The following EYS variants were observed in gnomAD, a reference collection of about 807,000 sequenced individuals.
The protein encoded by EYS is EGF-like photoreceptor maintenance factor, also known as protein eyes shut homolog.
A neutral mutation model predicts 282.1 loss-of-function variants in EYS; 250 were observed. The observed-to-expected ratio is 0.89, with a 90% confidence interval of 0.80 to 0.98. The LOEUF (loss-of-function observed/expected upper bound fraction) is 0.98, where lower values mean the gene tolerates loss of function less well. Among genes scored for constraint, EYS ranks in the 50% least tolerant of loss-of-function variants. EYS has a pLI of 0.00. For missense variants in EYS, 4,016 were observed against 3,709.0 expected, an observed-to-expected ratio of 1.08 and a Z score of -2.15; for synonymous variants, 1,355 against 1,282.9, an observed-to-expected ratio of 1.06 and a Z score of -1.20.
At chr6:63,726,273 G>T (rs983317560) in intron 42 of EYS, among the ~76,000 whole-genome samples, 1 of 152,046 alleles carries the variant, frequency 6.6e-6, no homozygotes, top group Admixed American at 6.6e-5. Flanking sequence ...TTTTTTGATG[G>T]TATTGTTTTT....
At chr6:64,803,689 T>C (rs1324477476) in intron 22 of EYS, among the ~76,000 whole-genome samples, 2 of 152,178 alleles carry the variant, frequency 1.3e-5, no homozygotes, top group East Asian at 3.9e-4. Flanking sequence ...TTGGCCTCCC[T>C]CTTGTGTTTG....
chr6:65,183,399 C>A (rs1476341501), intron 12 of EYS, among the ~76,000 whole-genome samples: 1 of 151,760 alleles, frequency 6.6e-6, no homozygotes, highest in East Asian at 2.0e-4. Context: ...GTATATATTC[C>A]TATTTATAAT....
intron 12 of EYS, among the ~76,000 whole-genome samples, chr6:65,183,613 A>G (rs2150235084): frequency 6.6e-6 from 1 of 151,872 alleles, no homozygotes; most frequent in Non-Finnish European, 1.5e-5. Flanking sequence ...GTTATGATAT[A>G]TTTCTTGTTT....
At chr6:65,130,595 A>C (rs1775841540) in intron 12 of EYS, among the ~76,000 whole-genome samples, 1 of 151,880 alleles carries the variant, frequency 6.6e-6, no homozygotes, top group Non-Finnish European at 1.5e-5. Flanking sequence ...GTGGGAGCTA[A>C]ATAATGAGAA....
At chr6:64,331,524 G>T (rs1163191839) in intron 29 of EYS, among the ~76,000 whole-genome samples, 1 of 152,100 alleles carries the variant, frequency 6.6e-6, no homozygotes. Context: ...AGGCATTTGA[G>T]CAGGACAGTG....
rs1766442316 is a variant in EYS, at chr6:64,866,934, T to C, written c.2992+19763A>G. On this transcript the variant is annotated intron_variant, in intron 19 of 42. Transcript: ENST00000503581. ...TCATCATTAGTTAAAAGTTACACAA[T>C]TGATCTATCACCTTCATATTCCAAA... Among the ~76,000 whole-genome samples the C allele has an allele frequency of 2.0e-5, 3 of 151,782 alleles. No individual in the cohort carries two copies. The South Asian group carries it at 6.2e-4, about 31-fold the overall frequency.
chr6:64,251,673 T>C (rs1267477304), intron 30 of EYS, among the ~76,000 whole-genome samples: 1 of 152,140 alleles, frequency 6.6e-6, no homozygotes, highest in Non-Finnish European at 1.5e-5. Context: ...TATGACCATG[T>C]TTTGCTGAAA....
chr6:65,281,046 A>AG (rs1363604988), intron 12 of EYS, among the ~76,000 whole-genome samples: 1 of 148,424 alleles, frequency 6.7e-6, no homozygotes, highest in Admixed American at 6.7e-5. Flanking sequence ...AAAAAAAAAA[A>AG]AAAAAGAAAA....
chr6:63,767,722 T>C (rs1449111340), intron 40 of EYS, among the ~76,000 whole-genome samples: 2 of 151,516 alleles, frequency 1.3e-5, no homozygotes, highest in Middle Eastern at 3.2e-3. Context: ...AGAATTAAAA[T>C]ATTCTAAAAT....
intron 12 of EYS, among the ~76,000 whole-genome samples, chr6:65,176,462 G>A (rs997056533): frequency 6.6e-6 from 1 of 151,000 alleles, no homozygotes; most frequent in South Asian, 2.1e-4. Flanking sequence ...ACAAAACTTA[G>A]GTTATAATTT....
intron 37 of EYS, among the ~76,000 whole-genome samples, chr6:63,798,364 T>C (rs977094673): frequency 6.6e-6 from 1 of 152,236 alleles, no homozygotes; most frequent in Non-Finnish European, 1.5e-5. Flanking sequence ...GGATATTTGA[T>C]TCCATGAAAA....
In EYS at chr6:64,324,787, T is replaced by C. The variant is rs551049961; in HGVS notation, c.6079-17705A>G. Among the ~76,000 whole-genome samples the C allele has an allele frequency of 7.9e-5, 12 of 152,284 alleles. No individual in the cohort carries two copies. The East Asian group carries it at 1.7e-3, about 22-fold the overall frequency. On this transcript the variant is annotated intron_variant, in intron 29 of 42. Transcript: ENST00000503581. ...GCAAGATTTCAGGATACAAAATCAA[T>C]GTATAAAAATCGGTATATTTCTATG...
At chr6:65,053,614 C>A (rs1773336245) in intron 13 of EYS, among the ~76,000 whole-genome samples, 1 of 151,794 alleles carries the variant, frequency 6.6e-6, no homozygotes, top group African/African-American at 2.4e-5. Flanking sequence ...TGATCATTTT[C>A]TACACCAGGG....
chr6:64,181,497 A>G (rs886515110), intron 31 of EYS, among the ~76,000 whole-genome samples: 3 of 152,078 alleles, frequency 2.0e-5, no homozygotes, highest in African/African-American at 7.2e-5. Context: ...AGTAACTGCA[A>G]TTATTATTTA....
intron 14 of EYS, among the ~76,000 whole-genome samples, chr6:64,974,346 T>C (rs947355024): frequency 4.6e-5 from 7 of 151,782 alleles, no homozygotes; most frequent in Non-Finnish European, 1.0e-4. Flanking sequence ...AAGGTACTTC[T>C]TGTGATTCAA....
chr6:63,764,583 C>T (rs1235739848), intron 40 of EYS, among the ~76,000 whole-genome samples: 1 of 151,712 alleles, frequency 6.6e-6, no homozygotes, highest in African/African-American at 2.4e-5. Context: ...ATTCTCACTG[C>T]CTTATAGACA....
At chr6:64,948,059 ATAAT>A (rs951727893) in intron 14 of EYS, among the ~76,000 whole-genome samples, 4 of 151,862 alleles carry the variant, frequency 2.6e-5, no homozygotes, top group Non-Finnish European at 4.4e-5. Context: ...CAATAACTTG[ATAAT>A]TAGTAGAAAA....
chr6:65,567,087 G>A (rs1189257637), intron 2 of EYS, among the ~76,000 whole-genome samples: 1 of 151,816 alleles, frequency 6.6e-6, no homozygotes, highest in Non-Finnish European at 1.5e-5. Context: ...TTGTGGGAAT[G>A]GATTGTTATA....
At chr6:64,457,542 T>C (rs1273868978) in intron 26 of EYS, among the ~76,000 whole-genome samples, 1 of 152,050 alleles carries the variant, frequency 6.6e-6, no homozygotes, top group Non-Finnish European at 1.5e-5. Flanking sequence ...GTTTAGATCC[T>C]CTGATGCTTG....
Sources: allele counts gnomAD v4.1 joint callset (sites outside exome capture counted in the v4.1 genomes callset), GRCh38; gene constraint gnomAD v4.1.1; transcripts MANE v1.5; gene names NCBI Gene and HGNC (gene_info 2026-07-23, HGNC 2026-07-21).